RTN3: variants seen among roughly 807,000 people sequenced by gnomAD.
RTN3 encodes reticulon 3.
In RTN3, 49 loss-of-function variants were observed where a neutral mutation model predicts 77.8. The observed-to-expected ratio is 0.63, with a 90% CI of 0.50 to 0.80. The LOEUF (loss-of-function observed/expected upper bound fraction) is 0.80, where lower values mean the gene tolerates loss of function less well. Among genes scored for constraint, RTN3 ranks in the 30% least tolerant of loss-of-function variants. The probability of loss-of-function intolerance (pLI) is 0.00; values close to 1 mark genes in which losing one functional copy is unlikely to be tolerated. For missense variants in RTN3, 1,236 were observed against 1,211.9 expected (o/e 1.02, Z -0.29); for synonymous variants, 464 against 446.9 (o/e 1.04, Z -0.48).
chr11:63,747,711 A>C (rs2013878285), intron 3 of RTN3, among the ~76,000 whole-genome samples: 1 of 152,198 alleles, frequency 6.6e-6, no homozygotes, highest in African/African-American at 2.4e-5. Flanking sequence ...AACTTGAATC[A>C]CACCCAGTTC....
chr11:63,696,730 G>C (rs1941963052), intron 1 of RTN3, among the ~76,000 whole-genome samples: 1 of 150,352 alleles, frequency 6.7e-6, no homozygotes, highest in Non-Finnish European at 1.5e-5. Context: ...ATTTTTAGTA[G>C]AGACAGGGTT....
chr11:63,710,521 A>C (rs2011135194), intron 2 of RTN3, among the ~76,000 whole-genome samples: 1 of 152,112 alleles, frequency 6.6e-6, no homozygotes, highest in Non-Finnish European at 1.5e-5. Flanking sequence ...CTTTAGAATT[A>C]GTATATGGAA....
chr11:63,719,180 T>C lies in RTN3; in HGVS notation c.678T>C (p.Tyr226=). Residue 226 remains tyrosine (Y), a synonymous_variant, in exon 3 of 9, where the codon TAT becomes TAC. Transcript: ENST00000377819. ...EYSKVEGIYT[Y]SLSPSKVSGD... is the part of the protein sequence containing the mutation. Reference sequence around the variant, plus strand: ...CTAAGGTAGAAGGCATTTATACATATTCTTTGTCTCCATCCAAAGTTTCAG... The same window carrying C: ...CTAAGGTAGAAGGCATTTATACATACTCTTTGTCTCCATCCAAAGTTTCAG... The C allele has an allele frequency of 2.5e-6, 4 of 1,614,196 alleles. No homozygotes were observed. Among genetic ancestry groups the C allele is most frequent in the East Asian group, 4.5e-5 (2 of 44,890 alleles).
intron 1 of RTN3, among the ~76,000 whole-genome samples, chr11:63,688,870 T>C (rs1322557606): frequency 6.6e-6 from 1 of 152,148 alleles, no homozygotes; most frequent in Non-Finnish European, 1.5e-5. Context: ...TGACGTCTGG[T>C]TGAAGGGAAA....
chr11:63,682,406 G>T (rs902188475), intron 1 of RTN3, among the ~76,000 whole-genome samples: 1 of 152,138 alleles, frequency 6.6e-6, no homozygotes, highest in Non-Finnish European at 1.5e-5. Context: ...CGAGGTAGAA[G>T]GAGGCGTGAT....
At chr11:63,737,563 T>A (rs935191200) in intron 3 of RTN3, among the ~76,000 whole-genome samples, 3 of 152,138 alleles carry the variant, frequency 2.0e-5, no homozygotes, top group African/African-American at 4.8e-5. Flanking sequence ...TGAGCTGAGA[T>A]CATGCTACTG....
intron 1 of RTN3, among the ~76,000 whole-genome samples, chr11:63,693,915 A>C (rs1432169321): frequency 6.6e-6 from 1 of 152,194 alleles, no homozygotes; most frequent in African/African-American, 2.4e-5. Context: ...TGAGCCCAGG[A>C]GTTTGAAACC....
At chr11:63,725,535 G>A (rs185300611) in intron 3 of RTN3, among the ~76,000 whole-genome samples, 2 of 151,590 alleles carry the variant, frequency 1.3e-5, no homozygotes, top group African/African-American at 2.4e-5. Flanking sequence ...TGCAAGCTCC[G>A]CCTCCCGGGT....
chr11:63,724,617 A>G (rs1214198007), intron 3 of RTN3, among the ~76,000 whole-genome samples: 3 of 136,438 alleles, frequency 2.2e-5, no homozygotes, highest in East Asian at 2.2e-4. Flanking sequence ...TCAGCCTCCC[A>G]AGTAGCTGGG....
chr11:63,719,848 A>T lies in RTN3; in HGVS notation c.1346A>T (p.Glu449Val). The T allele has an allele frequency of 1.9e-6, 3 of 1,614,178 alleles. 1 individual carries two copies. The Middle Eastern group carries it at 4.9e-4, about 266-fold the overall frequency. The part of the protein sequence containing the change: ...NMQKQDDTLA[E>V]LPGSPPEKCD... ...CAGAAACAGGATGACACACTTGCAG[A>T]ATTACCTGGATCTCCACCTGAGAAA... The change falls in exon 3 of 9, where the codon GAA becomes GTA. Residue 449 changes from glutamate (E) to valine (V), a missense_variant. By Grantham distance (121) the Glu-to-Val change is moderately radical (BLOSUM62 -2). This residue lies in a region of RTN3 where 1,056 missense variants were observed against 990.4 expected (regional missense o/e 1.07). Transcript: ENST00000377819.
intron 1 of RTN3, among the ~76,000 whole-genome samples, chr11:63,702,730 G>C (rs1471339744): frequency 1.3e-5 from 2 of 150,248 alleles, no homozygotes; most frequent in Non-Finnish European, 3.0e-5. Flanking sequence ...CTGTTGCCCA[G>C]GCTGGAGTGC....
intron 8 of RTN3, 47 bp downstream of exon 8, chr11:63,756,217 C>T: frequency 7.7e-7 from 1 of 1,298,422 alleles, no homozygotes; most frequent in South Asian, 1.2e-5. Context: ...GCTTCCTTCC[C>T]CCCAATTATC....
At position 63,682,737 on chromosome 11, in the gene RTN3, G is replaced by T. The variant is rs553305830; in HGVS notation, c.142+959G>T. Among the ~76,000 whole-genome samples the T allele has an allele frequency of 5.3e-4, 81 of 152,254 alleles. No homozygotes were observed. In the Middle Eastern group the frequency reaches 0.017, roughly 32 times the overall value. On this transcript the variant is annotated intron_variant, in intron 1 of 8. Transcript: ENST00000377819. ...GTGAAAGACTAAGAACGAAGCTGCA[G>T]ACCTCCTTTAGTTTGCATTGTATAC...
chr11:63,718,605 T>C (rs989888922), intron 2 of RTN3, 97 bp from the exon 3 acceptor site: 1 of 753,146 alleles, frequency 1.3e-6, no homozygotes, highest in African/African-American at 1.8e-5. Context: ...TATATATTTA[T>C]GTAATTTAAA....
At position 63,720,834 on chromosome 11, in the gene RTN3, T is replaced by C; in HGVS notation, c.2332T>C (p.Phe778Leu). The part of the protein sequence containing the change: ...LPSEEVLKQT[F>L]TFAPESWPQR... ...TTCTGAAGAAGTACTGAAGCAAACTTTCACATTTGCTCCAGAATCTTGGCC... is the reference window on the plus strand; with the variant it reads ...TTCTGAAGAAGTACTGAAGCAAACTCTCACATTTGCTCCAGAATCTTGGCC... The change falls in exon 3 of 9, where the codon TTC (phenylalanine) becomes CTC (leucine). Residue 778 changes from phenylalanine (F) to leucine (L), a missense_variant. This residue lies in a region of RTN3 where 1,056 missense variants were observed against 990.4 expected (regional missense o/e 1.07). Transcript: ENST00000377819. The C allele has an allele frequency of 6.2e-7, 1 of 1,613,910 alleles. No homozygotes were observed. Among genetic ancestry groups the C allele is most frequent in the Non-Finnish European group, 8.5e-7 (1 of 1,179,998 alleles).
At chr11:63,725,343 A>G (rs2012170035) in intron 3 of RTN3, among the ~76,000 whole-genome samples, 1 of 151,914 alleles carries the variant, frequency 6.6e-6, no homozygotes. Context: ...GTAGTAATCC[A>G]TTATATGAAT....
intron 3 of RTN3, among the ~76,000 whole-genome samples, chr11:63,729,091 C>A (rs1298753558): frequency 6.6e-6 from 1 of 150,994 alleles, no homozygotes. Context: ...ACAAAAAAAA[C>A]AAAAAAACTG....
rs1437891499 is a variant in RTN3 at position 63,719,461 on chromosome 11, C to T, written c.959C>T (p.Ala320Val). The change falls in exon 3 of 9, where the codon GCA becomes GTA. Residue 320 changes from alanine to valine, a missense_variant. Ala to Val is a moderately conservative substitution (Grantham distance 64). Coordinates refer to ENST00000377819, the MANE Select transcript of RTN3 (RefSeq NM_001265589.2). ...AGTAGGCAGTTTTCACACACAAATG[C>T]AGCACTGGAAGAGGTGTCCAGATGC... ...LLSRQFSHTNAALEEVSRCVN... is the reference protein window; with the variant it reads ...LLSRQFSHTNVALEEVSRCVN... The T allele has an allele frequency of 1.2e-6, 2 of 1,613,978 alleles. No homozygotes were observed. Among genetic ancestry groups the T allele is most frequent in the Non-Finnish European group, 1.7e-6 (2 of 1,180,000 alleles).
At chr11:63,709,614 T>A (rs1158802441) in intron 2 of RTN3, among the ~76,000 whole-genome samples, 1 of 152,142 alleles carries the variant, frequency 6.6e-6, no homozygotes, top group African/African-American at 2.4e-5. Flanking sequence ...CATTTTTCTT[T>A]GTACAAAAGA....
Sources: allele counts gnomAD v4.1 joint callset (sites outside exome capture counted in the v4.1 genomes callset), GRCh38; gene constraint gnomAD v4.1.1; regional missense constraint gnomAD v4.1.1; transcripts MANE v1.5; gene names NCBI Gene and HGNC (gene_info 2026-07-23, HGNC 2026-07-21).